Variants in FOXO1 observed in about 807,000 individuals in gnomAD.
The protein encoded by FOXO1 is forkhead box protein O1.
Under a neutral mutation model 44.1 loss-of-function variants are expected in FOXO1, and 6 were observed. The ratio of observed to expected loss-of-function variants is 0.14; its 90% CI spans 0.07 to 0.27. The LOEUF is 0.27. FOXO1 is among the 10% of genes least tolerant of loss of function. The pLI is 1.00. For missense variants in FOXO1, 737 were observed against 888.8 expected, an observed-to-expected ratio of 0.83 and a Z score of 2.17; for synonymous variants, 380 against 362.7, an observed-to-expected ratio of 1.05 and a Z score of -0.54.
At chr13:40,578,047 C>T (rs556180327) in intron 1 of FOXO1, among the ~76,000 whole-genome samples, 52 of 152,216 alleles carry the variant, frequency 3.4e-4, no homozygotes, top group African/African-American at 1.2e-3. Flanking sequence ...GGCACCTTTA[C>T]CACCAACTTC....
Position 40,574,899 on chromosome 13 carries a change from T to A in FOXO1, c.631-14039A>T, listed in dbSNP as rs1265018070. Reference sequence around the variant, plus strand: ...ATAAATAGCCAAACCTAGAAAACTCTTTTAAAGAAATATTTTGTTCGAAAA... The same window carrying A: ...ATAAATAGCCAAACCTAGAAAACTCATTTAAAGAAATATTTTGTTCGAAAA... On this transcript the variant is annotated intron_variant, in intron 1 of 2. Coordinates refer to ENST00000379561, the MANE Select transcript of FOXO1 (RefSeq NM_002015.4). Among the ~76,000 whole-genome samples the A allele has an allele frequency of 4.6e-5, 7 of 152,232 alleles. No individual in the cohort carries two copies. In the East Asian group the frequency reaches 1.3e-3, roughly 29 times the overall value.
At chr13:40,658,825 C>G (rs1028221212) in intron 1 of FOXO1, among the ~76,000 whole-genome samples, 1 of 151,938 alleles carries the variant, frequency 6.6e-6, no homozygotes, top group African/African-American at 2.4e-5. Flanking sequence ...CTGGCTAACA[C>G]GGTGAAATCC....
chr13:40,568,972 T>C (rs1370422981), intron 1 of FOXO1, among the ~76,000 whole-genome samples: 1 of 152,212 alleles, frequency 6.6e-6, no homozygotes, highest in Non-Finnish European at 1.5e-5. Flanking sequence ...GCTTTAGTAC[T>C]GGAAGAAATG....
intron 1 of FOXO1, among the ~76,000 whole-genome samples, chr13:40,647,917 A>AC (rs759485503): frequency 1.3e-5 from 2 of 152,164 alleles, no homozygotes; most frequent in Non-Finnish European, 2.9e-5. Context: ...TTGGGCTCCC[A>AC]CATCTATGCC....
At chr13:40,620,891 C>T (rs1474392415) in intron 1 of FOXO1, among the ~76,000 whole-genome samples, 1 of 149,290 alleles carries the variant, frequency 6.7e-6, no homozygotes, top group South Asian at 2.1e-4. Flanking sequence ...CACCGTCTCC[C>T]GGGTTCAAGC....
intron 1 of FOXO1, among the ~76,000 whole-genome samples, chr13:40,598,893 A>G (rs962011808): frequency 6.6e-6 from 1 of 152,228 alleles, no homozygotes; most frequent in Non-Finnish European, 1.5e-5. Flanking sequence ...CTCAATTAAG[A>G]AAGTCTTCCT....
Position 40,666,048 on chromosome 13 carries a change from C to G in FOXO1, c.165G>C (p.Ala55=). The part of the protein sequence containing the change: ...SGSAAANPDA[A]AGLPSASAAA... ...CAGCCGAGGCCGAGGGCAGGCCCGC[C>G]GCGGCGTCGGGGTTGGCAGCCGCGC... Residue 55 remains alanine, a synonymous_variant, in exon 1 of 3, where the codon GCG becomes GCC. Transcript: ENST00000379561. 7.7e-7 allele frequency: 1 copy of G among 1,303,252 alleles called. No individual in the cohort carries two copies. The highest frequency in any genetic ancestry group is 9.7e-7 in the Non-Finnish European group (1 of 1,028,936). The allele number at this position is 1,303,252 out of a possible 1,614,324, so 80.7% of individuals were successfully genotyped here.
chr13:40,598,883 C>G (rs1168372503), intron 1 of FOXO1, among the ~76,000 whole-genome samples: 1 of 152,158 alleles, frequency 6.6e-6, no homozygotes, highest in Non-Finnish European at 1.5e-5. Flanking sequence ...ATTTTCACAG[C>G]TCAATTAAGA....
rs567446732 is a variant in FOXO1, at chr13:40,605,780, G to A, written c.631-44920C>T. 7.9e-5 allele frequency among the ~76,000 whole-genome samples: 12 copies of A among 152,140 alleles called. No individual in the cohort carries two copies. In the East Asian group the frequency reaches 1.5e-3, roughly 20 times the overall value. On this transcript the variant is annotated intron_variant, in intron 1 of 2. Transcript: ENST00000379561. ...GCAGTACGTATGAATCAGTAGCTAC[G>A]TAAGCCCTGAACCTGCTTGGAGGTG...
intron 1 of FOXO1, among the ~76,000 whole-genome samples, chr13:40,629,376 A>G (rs945518550): frequency 2.6e-5 from 4 of 152,208 alleles, no homozygotes; most frequent in African/African-American, 9.6e-5. Context: ...TCCCAACCTC[A>G]GGTGATCTGC....
intron 1 of FOXO1, among the ~76,000 whole-genome samples, chr13:40,656,833 ATTT>A (rs758886907): frequency 6.9e-6 from 1 of 145,466 alleles, no homozygotes. Flanking sequence ...ACTCTGAGAA[ATTT>A]TTTTTTTTTT....
intron 1 of FOXO1, among the ~76,000 whole-genome samples, chr13:40,625,748 T>C (rs1018731057): frequency 2.0e-5 from 3 of 152,030 alleles, no homozygotes; most frequent in African/African-American, 7.2e-5. Flanking sequence ...CACTCTAAAA[T>C]ATTTTAGGTA....
chr13:40,567,508 T>G (rs1482538953), intron 1 of FOXO1, among the ~76,000 whole-genome samples: 1 of 152,116 alleles, frequency 6.6e-6, no homozygotes, highest in South Asian at 2.1e-4. Flanking sequence ...TGATTCTACC[T>G]GCAACCCCAC....
chr13:40,660,865 C>G (rs935067070), intron 1 of FOXO1, among the ~76,000 whole-genome samples: 1 of 151,962 alleles, frequency 6.6e-6, no homozygotes, highest in Non-Finnish European at 1.5e-5. Context: ...TCACTTGAGC[C>G]AGGGGCAGGC....
At chr13:40,660,940 G>C (rs1878013803) in intron 1 of FOXO1, among the ~76,000 whole-genome samples, 1 of 140,328 alleles carries the variant, frequency 7.1e-6, no homozygotes, top group African/African-American at 2.8e-5. Context: ...TGAGACCCTG[G>C]CTCAGAAAAA....
rs1873867712 is a variant in FOXO1, at chr13:40,558,930, T to TTG, written c.*118_*119insCA. ...AAAAAGGAGGGTTTTTTTTTTTGTT[T>TTG]TTTTTTTTAACCAAGAAAACTAAAA... On this transcript the variant is annotated 3_prime_UTR_variant, in exon 3 of 3. Transcript: ENST00000379561. 2.5e-6 allele frequency: 1 copy of TTG among 398,302 alleles called. No individual in the cohort carries two copies. The highest frequency in any genetic ancestry group is 4.4e-6 in the Non-Finnish European group (1 of 225,934). The allele number at this position is 398,302 out of a possible 1,614,324, so 24.7% of individuals were successfully genotyped here. A position where few individuals can be genotyped will look rare whatever the true frequency, so the allele number is the denominator to read the frequency against.
At chr13:40,563,505 C>T (rs558859118) in intron 1 of FOXO1, among the ~76,000 whole-genome samples, 5 of 152,034 alleles carry the variant, frequency 3.3e-5, no homozygotes, top group African/African-American at 4.8e-5. Flanking sequence ...AGTGTGAGAG[C>T]GGGGAAGACA....
intron 1 of FOXO1, among the ~76,000 whole-genome samples, chr13:40,572,893 T>C (rs1211863390): frequency 6.6e-6 from 1 of 152,180 alleles, no homozygotes; most frequent in Non-Finnish European, 1.5e-5. Context: ...ACAAAAGACA[T>C]GGTCCCCCTC....
intron 1 of FOXO1, among the ~76,000 whole-genome samples, chr13:40,628,823 C>T (rs1383435544): frequency 2.6e-5 from 4 of 152,222 alleles, no homozygotes; most frequent in African/African-American, 4.8e-5. Flanking sequence ...CAGGTTGTCC[C>T]CCAGGCACCT....
Sources: allele counts gnomAD v4.1 joint callset (sites outside exome capture counted in the v4.1 genomes callset), GRCh38; gene constraint gnomAD v4.1.1; transcripts MANE v1.5; gene names NCBI Gene and HGNC (gene_info 2026-07-23, HGNC 2026-07-21).